TUNAR: variants seen among roughly 807,000 people sequenced by gnomAD.
TUNAR encodes the protein protein TUNAR.
intron 2 of TUNAR, among the ~76,000 whole-genome samples, chr14:95,906,939 C>A (rs1889435268): frequency 6.6e-6 from 1 of 152,210 alleles, no homozygotes; most frequent in Non-Finnish European, 1.5e-5. Context: ...TCTTTAATTT[C>A]TAGTTTACCC....
chr14:95,889,672 T>A (rs907301858), intron 2 of TUNAR, among the ~76,000 whole-genome samples: 3 of 152,148 alleles, frequency 2.0e-5, no homozygotes, highest in Non-Finnish European at 4.4e-5. Flanking sequence ...AGGAGGAACT[T>A]AAGCAGAGAC....
exon 3 of TUNAR, chr14:95,923,620 G>C (rs866858692): frequency 6.6e-6 from 1 of 152,172 alleles, no homozygotes; most frequent in Non-Finnish European, 1.5e-5. Context: ...GCTTTCCTTA[G>C]TTTTATCTGC....
At chr14:95,883,105 G>A (rs1056856503) in intron 2 of TUNAR, among the ~76,000 whole-genome samples, 5 of 152,202 alleles carry the variant, frequency 3.3e-5, no homozygotes, top group African/African-American at 9.7e-5. Context: ...AAAGGTAGAC[G>A]TGAAAACCAC....
At chr14:95,889,033 C>T (rs1366497973) in intron 2 of TUNAR, among the ~76,000 whole-genome samples, 1 of 152,176 alleles carries the variant, frequency 6.6e-6, no homozygotes, top group African/African-American at 2.4e-5. Flanking sequence ...GAGCTGTTTC[C>T]CCTTCAGATG....
intron 2 of TUNAR, among the ~76,000 whole-genome samples, chr14:95,913,683 A>G (rs971212268): frequency 1.3e-5 from 2 of 152,136 alleles, no homozygotes; most frequent in East Asian, 1.9e-4. Context: ...TCGCTCAGCC[A>G]TGGTCTGTCC....
intron 2 of TUNAR, among the ~76,000 whole-genome samples, chr14:95,909,785 C>T (rs1253891244): frequency 1.3e-5 from 2 of 152,138 alleles, no homozygotes; most frequent in Non-Finnish European, 2.9e-5. Flanking sequence ...CAAAGGAGCT[C>T]AGTTTAGTGG....
chr14:95,916,268 G>A (rs943180228), intron 2 of TUNAR, among the ~76,000 whole-genome samples: 1 of 152,122 alleles, frequency 6.6e-6, no homozygotes, highest in African/African-American at 2.4e-5. Flanking sequence ...TCGGCTTTGG[G>A]ATTTATTGTT....
At chr14:95,889,344 C>T (rs1045521629) in intron 2 of TUNAR, among the ~76,000 whole-genome samples, 3 of 152,174 alleles carry the variant, frequency 2.0e-5, no homozygotes, top group Non-Finnish European at 4.4e-5. Flanking sequence ...CCCAGAAGTT[C>T]ATTGTTTTCC....
intron 2 of TUNAR, among the ~76,000 whole-genome samples, chr14:95,911,176 A>T (rs1889506535): frequency 1.3e-5 from 2 of 152,174 alleles, no homozygotes; most frequent in Admixed American, 1.3e-4. Context: ...CTCTTAGGAC[A>T]GCCCCCTCAC....
chr14:95,884,903 T>G (rs1335600677), intron 2 of TUNAR, among the ~76,000 whole-genome samples: 1 of 151,532 alleles, frequency 6.6e-6, no homozygotes. Context: ...TACTGAGAAA[T>G]AGTTGCTCTG....
intron 2 of TUNAR, among the ~76,000 whole-genome samples, chr14:95,896,588 C>T (rs1199525926): frequency 6.6e-6 from 1 of 152,204 alleles, no homozygotes; most frequent in Non-Finnish European, 1.5e-5. Context: ...ACTTGTTTTT[C>T]TTTTCGCAAA....
intron 2 of TUNAR, among the ~76,000 whole-genome samples, chr14:95,913,194 C>A (rs1889546678): frequency 6.7e-6 from 1 of 150,080 alleles, no homozygotes; most frequent in African/African-American, 2.5e-5. Flanking sequence ...ACGTGCAGAA[C>A]CTGCAGGTTT....
intron 2 of TUNAR, among the ~76,000 whole-genome samples, chr14:95,885,090 G>A (rs1190477757): frequency 5.3e-5 from 8 of 152,244 alleles, no homozygotes; most frequent in Non-Finnish European, 1.2e-4. Context: ...TGCGTGCTCA[G>A]CGCATGGGGC....
At chr14:95,890,317 C>CT (rs1889158941) in intron 2 of TUNAR, among the ~76,000 whole-genome samples, 1 of 152,214 alleles carries the variant, frequency 6.6e-6, no homozygotes, top group African/African-American at 2.4e-5. Context: ...TCCTCTCCAA[C>CT]TTCAGGTTTT....
chr14:95,891,908 G>A (rs1353852290), intron 2 of TUNAR, among the ~76,000 whole-genome samples: 2 of 152,212 alleles, frequency 1.3e-5, no homozygotes, highest in African/African-American at 2.4e-5. Flanking sequence ...GCCTGTAGCT[G>A]CACCACTCCA....
intron 2 of TUNAR, among the ~76,000 whole-genome samples, chr14:95,911,361 T>A (rs1889511343): frequency 6.6e-6 from 1 of 152,240 alleles, no homozygotes; most frequent in South Asian, 2.1e-4. Context: ...CTGCGTGCCC[T>A]CTCTGCAGTG....
chr14:95,896,245 C>T (rs142231283), intron 2 of TUNAR, among the ~76,000 whole-genome samples: 26 of 152,270 alleles, frequency 1.7e-4, no homozygotes, highest in African/African-American at 5.8e-4. Flanking sequence ...GCTCAGAGTC[C>T]GGTCTTCTAG....
At chr14:95,886,448 G>C (rs1889077435) in intron 2 of TUNAR, among the ~76,000 whole-genome samples, 1 of 152,264 alleles carries the variant, frequency 6.6e-6, no homozygotes, top group South Asian at 2.1e-4. Flanking sequence ...GGAAGAGAGA[G>C]AGACAGAAAA....
chr14:95,910,412 A>C (rs1889495427), intron 2 of TUNAR, among the ~76,000 whole-genome samples: 1 of 152,212 alleles, frequency 6.6e-6, no homozygotes, highest in South Asian at 2.1e-4. Context: ...GAGTGGGTGA[A>C]TGGATGGAGG....
Sources: gnomAD v4.1 joint callset for allele counts (sites outside exome capture counted in the v4.1 genomes callset) on GRCh38, gnomAD v4.1.1 for gene constraint, MANE v1.5 for transcripts, NCBI Gene and HGNC (gene_info 2026-07-23, HGNC 2026-07-21) for gene names.